TCF12: variants seen among roughly 807,000 people sequenced by gnomAD.
The protein encoded by TCF12 is transcription factor 12.
TCF12 carries 45 observed loss-of-function variants against 86.0 expected under a neutral mutation model. That is an observed-to-expected ratio of 0.52 (90% CI 0.41 to 0.67). TCF12 has a LOEUF of 0.67. Ranked by LOEUF, TCF12 falls within the 30% of genes least tolerant of loss-of-function variation. The pLI, the probability that TCF12 is intolerant of heterozygous loss-of-function variation, is 0.00. For missense variants in TCF12, 881 were observed against 859.9 expected (o/e 1.02, Z -0.31); for synonymous variants, 330 against 299.6 (o/e 1.10, Z -1.05).
chr15:57,191,940 A>G (rs566880634), intron 6 of TCF12, among the ~76,000 whole-genome samples: 26 of 152,282 alleles, frequency 1.7e-4, no homozygotes, highest in African/African-American at 5.1e-4. Context: ...TCTCAGAAAA[A>G]AAAAAGAAAA....
rs749245364 is a variant in TCF12, at chr15:57,234,037, A to T, written c.971-6A>T. On this transcript the variant is annotated splice_polypyrimidine_tract_variant and splice_region_variant and intron_variant, in intron 11 of 20. Coordinates refer to ENST00000333725, the MANE Select transcript of TCF12 (RefSeq NM_207037.2). The stretch of plus-strand genomic sequence containing the variant: ...TTCTTGATTTATTTCTCTATGAAAT[A>T]TCCAGGAACCAGAGGGAATGCTGCT... 6 of 1,612,756 alleles carry T rather than the reference A, an allele frequency of 3.7e-6. No individual in the cohort carries two copies. In the South Asian group the frequency reaches 4.4e-5, roughly 12 times the overall value.
At chr15:57,121,242 G>A (rs1010887091) in intron 5 of TCF12, among the ~76,000 whole-genome samples, 1 of 152,162 alleles carries the variant, frequency 6.6e-6, no homozygotes, top group African/African-American at 2.4e-5. Flanking sequence ...TTCGCTGATG[G>A]ATAGAACCAG....
intron 5 of TCF12, among the ~76,000 whole-genome samples, chr15:57,165,488 A>G (rs1224849489): frequency 6.6e-6 from 1 of 152,076 alleles, no homozygotes; most frequent in Admixed American, 6.6e-5. Context: ...CATCATTATT[A>G]TGATAATGGT....
At chr15:57,054,886 G>A (rs1265367978) in intron 3 of TCF12, among the ~76,000 whole-genome samples, 2 of 141,968 alleles carry the variant, frequency 1.4e-5, no homozygotes, top group Non-Finnish European at 3.0e-5. Context: ...TCACATAAAA[G>A]GCAGAACTCT....
At chr15:57,232,491 G>A in intron 10 of TCF12, 61 bp downstream of exon 10, 1 of 1,525,020 alleles carries the variant, frequency 6.6e-7, no homozygotes, top group Non-Finnish European at 8.8e-7. Flanking sequence ...GTTTCTTTTT[G>A]GATTAGAAGT....
rs186362240 is a variant in TCF12, at chr15:56,966,913, G to A, written c.148+45815G>A. Reference sequence around the variant, plus strand: ...CTAGGTGTGTGGATCACTTGAGGTCGGGAGTTTGAGACCAACCTGGCCAAC... The same window carrying A: ...CTAGGTGTGTGGATCACTTGAGGTCAGGAGTTTGAGACCAACCTGGCCAAC... On this transcript the variant is annotated intron_variant, in intron 3 of 20. Transcript: ENST00000333725. 7.8e-4 allele frequency among the ~76,000 whole-genome samples: 118 copies of A among 151,982 alleles called. 1 individual carries two copies. Among genetic ancestry groups the A allele is most frequent in the African/African-American group, 2.7e-3 (110 of 41,448 alleles).
chr15:57,059,728 T>C (rs1164261471), intron 3 of TCF12, among the ~76,000 whole-genome samples: 1 of 90,676 alleles, frequency 1.1e-5, no homozygotes, highest in Non-Finnish European at 2.1e-5. Flanking sequence ...AGGGCTCATA[T>C]GTGGTGGGGG....
chr15:57,249,303 G>T (rs1293077460), intron 13 of TCF12, among the ~76,000 whole-genome samples: 3 of 151,870 alleles, frequency 2.0e-5, no homozygotes, highest in Non-Finnish European at 4.4e-5. Flanking sequence ...TTGTTTCAAT[G>T]AGCAATTTTA....
At chr15:57,232,930 A>G in intron 11 of TCF12, 74 bp downstream of exon 11, 2 of 1,023,750 alleles carry the variant, frequency 2.0e-6, no homozygotes, top group East Asian at 3.7e-5. Flanking sequence ...TTATATATAT[A>G]TATGTATGTT....
At chr15:57,067,138 A>G (rs966420935) in intron 4 of TCF12, among the ~76,000 whole-genome samples, 8 of 152,222 alleles carry the variant, frequency 5.3e-5, no homozygotes, top group Non-Finnish European at 1.0e-4. Flanking sequence ...CCAGAAAAGT[A>G]GCCTCGCAGT....
intron 3 of TCF12, among the ~76,000 whole-genome samples, chr15:56,964,340 G>A (rs2061905770): frequency 6.6e-6 from 1 of 152,124 alleles, no homozygotes; most frequent in Non-Finnish European, 1.5e-5. Context: ...AAAAACTGGT[G>A]ACAAAAATAA....
Position 57,146,551 on chromosome 15 carries a change from T to A in TCF12, c.326-19851T>A, listed in dbSNP as rs139955661. On this transcript the variant is annotated intron_variant, in intron 5 of 20. Coordinates refer to ENST00000333725, the MANE Select transcript of TCF12 (RefSeq NM_207037.2). ...TATTATAGAACTCTAAGGAAATGAA[T>A]ACCGGATTTAGTCAAGGCAGAAATA... 3.7e-3 allele frequency among the ~76,000 whole-genome samples: 557 copies of A among 152,314 alleles called. 2 individuals carry two copies. The highest frequency in any genetic ancestry group is 5.5e-3 in the Admixed American group (84 of 15,294).
intron 3 of TCF12, among the ~76,000 whole-genome samples, chr15:56,950,867 G>A (rs12901355): frequency 0.23 from 34,108 of 146,680 alleles, 4,302 homozygotes; most frequent in Middle Eastern, 0.34. Flanking sequence ...AGCGATTCTC[G>A]TGCCTCAGCC....
chr15:57,043,614 C>T (rs918099550), intron 3 of TCF12, among the ~76,000 whole-genome samples: 29 of 152,046 alleles, frequency 1.9e-4, no homozygotes, highest in African/African-American at 6.5e-4. Flanking sequence ...ATGTCTTCTT[C>T]GGAGAAATTG....
chr15:57,247,119 C>T, intron 13 of TCF12: 1 of 573,914 alleles, frequency 1.7e-6, no homozygotes, highest in South Asian at 1.6e-5. Flanking sequence ...GTAGTTACCA[C>T]CGCCAAAATT....
chr15:57,281,852 A>G (rs935375807), intron 19 of TCF12: 3 of 158,518 alleles, frequency 1.9e-5, no homozygotes, highest in Non-Finnish European at 4.2e-5. Flanking sequence ...AATACAGTGC[A>G]CAATAAATGT....
At chr15:57,006,171 C>T (rs1157546614) in intron 3 of TCF12, among the ~76,000 whole-genome samples, 1 of 152,062 alleles carries the variant, frequency 6.6e-6, no homozygotes, top group Non-Finnish European at 1.5e-5. Context: ...ATTATCACCA[C>T]AAAAATTAAA....
intron 5 of TCF12, among the ~76,000 whole-genome samples, chr15:57,100,442 T>TC (rs1483658924): frequency 2.0e-5 from 3 of 150,040 alleles, no homozygotes; most frequent in African/African-American, 7.4e-5. Context: ...TTTTTTTTTT[T>TC]AGTAGAGATG....
chr15:57,045,053 A>G (rs1366072172), intron 3 of TCF12, among the ~76,000 whole-genome samples: 4 of 152,236 alleles, frequency 2.6e-5, no homozygotes, highest in Non-Finnish European at 5.9e-5. Flanking sequence ...CATTGTAGAA[A>G]ACAGTAACAT....
Sources: gnomAD v4.1 joint callset for allele counts (sites outside exome capture counted in the v4.1 genomes callset) on GRCh38, gnomAD v4.1.1 for gene constraint, MANE v1.5 for transcripts, NCBI Gene and HGNC (gene_info 2026-07-23, HGNC 2026-07-21) for gene names.